KIF6: variants seen among roughly 807,000 people sequenced by gnomAD.
The protein encoded by KIF6 is kinesin-like protein KIF6.
In KIF6, 106 loss-of-function variants were observed where a neutral mutation model predicts 112.7. The ratio of observed to expected loss-of-function variants is 0.94; its 90% CI spans 0.80 to 1.11. The LOEUF is 1.11. KIF6 is among the 50% of genes least tolerant of loss of function. The pLI is 0.00. For synonymous variants in KIF6, 339 were observed against 339.9 expected (o/e 1.00, Z 0.03); for missense variants, 929 against 964.0 (o/e 0.96, Z 0.48).
At chr6:39,437,320 T>G (rs930269027) in intron 13 of KIF6, among the ~76,000 whole-genome samples, 1 of 152,330 alleles carries the variant, frequency 6.6e-6, no homozygotes, top group South Asian at 2.1e-4. Flanking sequence ...CAAACAGTGA[T>G]AGTTTGACTT....
At chr6:39,643,057 C>G (rs931367567) in intron 3 of KIF6, among the ~76,000 whole-genome samples, 2 of 152,080 alleles carry the variant, frequency 1.3e-5, no homozygotes, top group African/African-American at 4.8e-5. Context: ...TTTTGTTTAT[C>G]TTGGAATGTC....
intron 13 of KIF6, among the ~76,000 whole-genome samples, chr6:39,478,126 A>G (rs1373580864): frequency 6.6e-6 from 1 of 151,960 alleles, no homozygotes; most frequent in Non-Finnish European, 1.5e-5. Flanking sequence ...AATTTGTGAG[A>G]TTTTGGCACA....
At chr6:39,350,655 C>T (rs546190908) in intron 19 of KIF6, among the ~76,000 whole-genome samples, 19 of 152,282 alleles carry the variant, frequency 1.2e-4, no homozygotes, top group South Asian at 6.2e-4. Flanking sequence ...ATGTCTGAGA[C>T]GCCATGATGG....
rs1307534223 is a variant in KIF6 at position 39,378,865 on chromosome 6, G to C, written c.1861+6757C>G. Among the ~76,000 whole-genome samples, 1 of 152,210 alleles carries C rather than the reference G, an allele frequency of 6.6e-6. No homozygotes were observed. The highest frequency in any genetic ancestry group is 1.9e-4 in the East Asian group (1 of 5,204). On this transcript the variant is annotated intron_variant, in intron 16 of 22. Coordinates refer to ENST00000287152, the MANE Select transcript of KIF6 (RefSeq NM_145027.6). This position sits in a 1 kb window ranked among gnomAD's most constrained non-coding sequence, Gnocchi z 5.0. ...ATTCTTCCAGTTTTAGTCCTGCTCT[G>C]TGTGGCCATCAGAAAGCTGAGTACC... is the stretch of plus-strand genomic sequence containing the variant.
chr6:39,718,086 C>T (rs1652733907), intron 2 of KIF6, among the ~76,000 whole-genome samples: 2 of 151,572 alleles, frequency 1.3e-5, no homozygotes, highest in Admixed American at 6.6e-5. Flanking sequence ...CAAAATTAGC[C>T]AGGTGTGGTG....
At chr6:39,347,990 A>G (rs572369121) in intron 19 of KIF6, among the ~76,000 whole-genome samples, 24 of 152,330 alleles carry the variant, frequency 1.6e-4, no homozygotes, top group African/African-American at 4.1e-4. Flanking sequence ...TCTAGTGAGG[A>G]CCGATGTAGG....
chr6:39,427,162 C>T (rs1256741880), intron 14 of KIF6, among the ~76,000 whole-genome samples: 2 of 152,190 alleles, frequency 1.3e-5, no homozygotes, highest in Non-Finnish European at 1.5e-5. Context: ...CCTAAGTCAA[C>T]CCCCTCCAGT....
chr6:39,624,347 G>A (rs867711535), intron 5 of KIF6, among the ~76,000 whole-genome samples: 3 of 152,214 alleles, frequency 2.0e-5, no homozygotes, highest in Non-Finnish European at 4.4e-5. Context: ...ACTCTCAAAA[G>A]GTTGTAATAA....
chr6:39,406,918 A>C (rs1769127822), intron 15 of KIF6, among the ~76,000 whole-genome samples: 1 of 152,118 alleles, frequency 6.6e-6, no homozygotes, highest in Admixed American at 6.6e-5. Flanking sequence ...TCAGCTAATT[A>C]AACTTTTTTC....
intron 4 of KIF6, among the ~76,000 whole-genome samples, chr6:39,637,433 C>G (rs1458754174): frequency 6.6e-6 from 1 of 152,006 alleles, no homozygotes; most frequent in African/African-American, 2.4e-5. Context: ...TGCCCCAAAA[C>G]AAGTTTGAAA....
intron 3 of KIF6, among the ~76,000 whole-genome samples, chr6:39,651,061 C>A (rs189842340): frequency 6.6e-5 from 10 of 152,088 alleles, no homozygotes; most frequent in African/African-American, 1.9e-4. Context: ...ATTTACACAT[C>A]AATCTATAAT....
chr6:39,661,072 G>A (rs1786113861), intron 3 of KIF6, among the ~76,000 whole-genome samples: 1 of 152,080 alleles, frequency 6.6e-6, no homozygotes, highest in Non-Finnish European at 1.5e-5. Context: ...CAATCACTCT[G>A]AAAAGCTGAT....
At chr6:39,427,360 T>C (rs1030635177) in intron 14 of KIF6, among the ~76,000 whole-genome samples, 5 of 152,218 alleles carry the variant, frequency 3.3e-5, no homozygotes, top group Non-Finnish European at 5.9e-5. Context: ...ATGTCTGTTG[T>C]TGAAACCCTG....
At chr6:39,674,263 T>A (rs1787004770) in intron 3 of KIF6, among the ~76,000 whole-genome samples, 1 of 152,166 alleles carries the variant, frequency 6.6e-6, no homozygotes, top group Non-Finnish European at 1.5e-5. Flanking sequence ...CACAGATGAA[T>A]TGTATAAATT....
chr6:39,614,479 T>C (rs956888994), intron 5 of KIF6, among the ~76,000 whole-genome samples: 1 of 152,232 alleles, frequency 6.6e-6, no homozygotes, highest in Non-Finnish European at 1.5e-5. Flanking sequence ...ATCATAATTT[T>C]TTTCATCTTT....
chr6:39,590,449 ATAT>A (rs1484321506), intron 7 of KIF6, among the ~76,000 whole-genome samples: 30 of 96,516 alleles, frequency 3.1e-4, no homozygotes, highest in African/African-American at 1.2e-3. Context: ...ATATATATAT[ATAT>A]TTTTTTTTTT....
chr6:39,512,853 C>G (rs1776857223), intron 13 of KIF6, among the ~76,000 whole-genome samples: 1 of 152,170 alleles, frequency 6.6e-6, no homozygotes, highest in African/African-American at 2.4e-5. Flanking sequence ...TGCTCCCTTT[C>G]TGACTTTGAG....
intron 15 of KIF6, among the ~76,000 whole-genome samples, chr6:39,405,646 A>G (rs1186299272): frequency 1.3e-5 from 2 of 152,172 alleles, no homozygotes; most frequent in African/African-American, 2.4e-5. Context: ...GATTTAGTCT[A>G]TAGTTTTCTT....
rs1330252528 is a variant in KIF6 at position 39,487,121 on chromosome 6, A to T, written c.1645+52882T>A. ...GAGCCAACACATTTTTCTAAATTTA[A>T]AAATAGTAATAAATAAAAATAGAAA... On this transcript the variant is annotated intron_variant, in intron 13 of 22. Coordinates refer to ENST00000287152, the MANE Select transcript of KIF6 (RefSeq NM_145027.6). 2.0e-5 allele frequency among the ~76,000 whole-genome samples: 3 copies of T among 152,254 alleles called. No homozygotes were observed. The East Asian group carries it at 5.8e-4, about 29-fold the overall frequency.
Sources: allele counts gnomAD v4.1 joint callset (sites outside exome capture counted in the v4.1 genomes callset), GRCh38; gene constraint gnomAD v4.1.1; non-coding constraint Gnocchi (gnomAD v3.1); transcripts MANE v1.5; gene names NCBI Gene and HGNC (gene_info 2026-07-23, HGNC 2026-07-21).